SI: variants seen among roughly 807,000 people sequenced by gnomAD.
The protein encoded by SI is sucrase-isomaltase.
Under a neutral mutation model 253.3 loss-of-function variants are expected in SI, and 235 were observed. That is an observed-to-expected ratio of 0.93 (90% CI 0.83 to 1.03). SI has a LOEUF of 1.03. SI is among the 50% of genes least tolerant of loss of function. The pLI is 0.00. For missense variants in SI, 2,442 were observed against 2,211.1 expected (o/e 1.10, Z -2.09); for synonymous variants, 819 against 712.0 (o/e 1.15, Z -2.39).
chr3:165,018,933 T>C (rs1384787144), intron 28 of SI, among the ~76,000 whole-genome samples: 1 of 151,770 alleles, frequency 6.6e-6, no homozygotes, highest in Non-Finnish European at 1.5e-5. Context: ...GTTCACAGAC[T>C]TATAGTATGG....
At chr3:165,044,325 TG>T (rs1713005800) in intron 16 of SI, among the ~76,000 whole-genome samples, 1 of 152,042 alleles carries the variant, frequency 6.6e-6, no homozygotes, top group Admixed American at 6.6e-5. Context: ...ATTATTTTTC[TG>T]GTTTACTTAT....
At chr3:164,993,381 T>C (rs1295535916) in intron 41 of SI, among the ~76,000 whole-genome samples, 1 of 151,834 alleles carries the variant, frequency 6.6e-6, no homozygotes, top group East Asian at 1.9e-4. Context: ...TCTTTTGTTG[T>C]TGTTTTAGGA....
intron 37 of SI, among the ~76,000 whole-genome samples, chr3:165,003,394 G>T (rs1718347977): frequency 6.6e-6 from 1 of 151,958 alleles, no homozygotes; most frequent in Non-Finnish European, 1.5e-5. Context: ...CCCCAATATT[G>T]TGTTCCAGCA....
At chr3:165,062,618 AT>A (rs1247090647) in intron 8 of SI, 135 bp from the exon 9 acceptor site, 1 of 599,312 alleles carries the variant, frequency 1.7e-6, no homozygotes, top group Admixed American at 2.7e-5. Flanking sequence ...AAATAATGAA[AT>A]ATTGAATGCA....
At chr3:165,025,951 A>G (rs1711891817) in intron 25 of SI, among the ~76,000 whole-genome samples, 1 of 151,304 alleles carries the variant, frequency 6.6e-6, no homozygotes, top group African/African-American at 2.4e-5. Context: ...CAGGAAACAA[A>G]TAGCACAATG....
chr3:165,043,437 T>C (rs1712956595), intron 16 of SI, among the ~76,000 whole-genome samples: 1 of 152,200 alleles, frequency 6.6e-6, no homozygotes, highest in South Asian at 2.1e-4. Context: ...TTTTTTATTT[T>C]GATGTTCTCA....
At chr3:165,033,074 C>T (rs1309992805) in intron 23 of SI, among the ~76,000 whole-genome samples, 1 of 151,420 alleles carries the variant, frequency 6.6e-6, no homozygotes, top group South Asian at 2.1e-4. Flanking sequence ...ATTACTGTGA[C>T]TAATTCATTA....
the SI span, among the ~76,000 whole-genome samples, chr3:165,087,617 G>T: frequency 6.6e-6 from 1 of 152,148 alleles, no homozygotes; most frequent in East Asian, 1.9e-4. Flanking sequence ...AGAGTGACAC[G>T]ACATTCCACA....
chr3:164,989,812 A>C (rs1279815031), intron 44 of SI, among the ~76,000 whole-genome samples: 1 of 152,200 alleles, frequency 6.6e-6, no homozygotes, highest in Non-Finnish European at 1.5e-5. Flanking sequence ...CATATAACTA[A>C]GTAAAAAAAG....
Position 165,021,392 on chromosome 3 carries a change from G to A in SI, c.3100-9C>T. ...TTTTGGGGATCATAAATCTATTGCA[G>A]ATAAGTAGTAAAAAAGTTTATTCTG... On this transcript the variant is annotated splice_polypyrimidine_tract_variant and intron_variant, in intron 26 of 47. Coordinates refer to ENST00000264382, the MANE Select transcript of SI (RefSeq NM_001041.4). 6.2e-7 allele frequency: 1 copy of A among 1,607,312 alleles called. No homozygotes were observed. Among genetic ancestry groups the A allele is most frequent in the East Asian group, 2.2e-5 (1 of 44,692 alleles).
At chr3:165,013,146 C>A in intron 33 of SI, 104 bp from the exon 34 acceptor site, 2 of 789,698 alleles carry the variant, frequency 2.5e-6, no homozygotes, top group Non-Finnish European at 4.6e-6. Flanking sequence ...ATTATTAACT[C>A]AAAGTCTTCA....
chr3:165,049,051 GA>G, intron 15 of SI, 75 bp downstream of exon 15: 1 of 881,636 alleles, frequency 1.1e-6, no homozygotes, highest in Non-Finnish European at 1.9e-6. Context: ...TCCTAATTAT[GA>G]ATACATTGAT....
At chr3:165,068,881 A>G (rs1341000651) in intron 4 of SI, 50 bp from the exon 5 acceptor site, 1 of 1,214,492 alleles carries the variant, frequency 8.2e-7, no homozygotes. Context: ...TATAATGTTA[A>G]CAATTATTAA....
At chr3:165,048,809 GT>G (rs1264332207) in intron 15 of SI, among the ~76,000 whole-genome samples, 1 of 151,840 alleles carries the variant, frequency 6.6e-6, no homozygotes, top group African/African-American at 2.4e-5. Context: ...TAGAGACTGG[GT>G]TTCGCCATGT....
chr3:165,038,209 G>A (rs1174171842), intron 20 of SI, among the ~76,000 whole-genome samples, 185 bp from the exon 21 acceptor site: 1 of 151,074 alleles, frequency 6.6e-6, no homozygotes, highest in Non-Finnish European at 1.5e-5. Flanking sequence ...GGAAAAATAA[G>A]TTCACTTTCT....
At chr3:165,020,976 A>G (rs1711577919) in intron 27 of SI, among the ~76,000 whole-genome samples, 1 of 151,670 alleles carries the variant, frequency 6.6e-6, no homozygotes, top group African/African-American at 2.4e-5. Context: ...CAACTTGATT[A>G]GAAGAATGAG....
Position 165,030,874 on chromosome 3 carries a change from A to G in SI, c.2737-7T>C. The G allele has an allele frequency of 6.8e-7, 1 of 1,465,896 alleles. No homozygotes were observed. The highest frequency in any genetic ancestry group is 9.1e-7 in the Non-Finnish European group (1 of 1,101,724). 90.8% of individuals were successfully genotyped at this position (1,465,896 alleles called of 1,614,324 possible). On this transcript the variant is annotated splice_polypyrimidine_tract_variant and splice_region_variant and intron_variant, in intron 24 of 47. Coordinates refer to ENST00000264382, the MANE Select transcript of SI (RefSeq NM_001041.4). ...GATCTGCAATTAGGAGAACCTTTGA[A>G]GACAAAAAAAAAAAAAGAAAAAAAG...
At chr3:165,086,989 C>T in the SI span, among the ~76,000 whole-genome samples, 13 of 152,112 alleles carry the variant, frequency 8.5e-5, no homozygotes, top group Non-Finnish European at 1.6e-4. Context: ...TATATGACTG[C>T]TACTGCAAGA....
At chr3:165,077,986 TTATTG>T (rs1317445034) in intron 1 of SI, among the ~76,000 whole-genome samples, 2 of 151,642 alleles carry the variant, frequency 1.3e-5, no homozygotes, top group African/African-American at 4.8e-5. Flanking sequence ...GAATAATACT[TTATTG>T]TATAACAACT....
Sources: gnomAD v4.1 joint callset for allele counts (sites outside exome capture counted in the v4.1 genomes callset) on GRCh38, gnomAD v4.1.1 for gene constraint, MANE v1.5 for transcripts, NCBI Gene and HGNC (gene_info 2026-07-23, HGNC 2026-07-21) for gene names.